CDC14B: variants seen among roughly 807,000 people sequenced by gnomAD.
CDC14B encodes cell division cycle 14B.
In CDC14B, 22 loss-of-function variants were observed where a neutral mutation model predicts 64.2. The observed-to-expected ratio is 0.34, with a 90% CI of 0.24 to 0.49. CDC14B has a LOEUF of 0.49. Ranked by LOEUF, CDC14B falls within the 20% of genes least tolerant of loss-of-function variation. The pLI is 0.99. For missense variants in CDC14B, 498 were observed against 629.9 expected, an observed-to-expected ratio of 0.79 and a Z score of 2.24; for synonymous variants, 191 against 215.8, an observed-to-expected ratio of 0.89 and a Z score of 1.01.
intron 1 of CDC14B, among the ~76,000 whole-genome samples, chr9:96,593,652 C>A (rs1271691330): frequency 1.3e-5 from 2 of 151,844 alleles, no homozygotes; most frequent in Non-Finnish European, 2.9e-5. Flanking sequence ...TAAGGAAGAA[C>A]AAACAAGAAG....
intron 12 of CDC14B, among the ~76,000 whole-genome samples, chr9:96,520,108 G>A (rs1178751977): frequency 6.6e-6 from 1 of 152,144 alleles, no homozygotes; most frequent in African/African-American, 2.4e-5. Context: ...AAGCAGAGAC[G>A]GGGATAAGCA....
intron 12 of CDC14B, among the ~76,000 whole-genome samples, chr9:96,521,572 G>A (rs1836722382): frequency 6.6e-6 from 1 of 152,208 alleles, no homozygotes; most frequent in African/African-American, 2.4e-5. Context: ...AATGACACAT[G>A]CCTTAGGTGT....
At position 96,595,005 on chromosome 9, in the gene CDC14B, C is replaced by T. The variant is rs565861999; in HGVS notation, c.160+24214G>A. On this transcript the variant is annotated intron_variant, in intron 1 of 13. Coordinates refer to ENST00000375241, the MANE Select transcript of CDC14B (RefSeq NM_033331.4). ...GTCTCTACTAAAATACAAAAATTAG[C>T]TGGGTGTGGTGGCACGTGCCTGTAG... 2.0e-5 allele frequency among the ~76,000 whole-genome samples: 3 copies of T among 152,094 alleles called. No individual in the cohort carries two copies. The East Asian group carries it at 5.8e-4, about 30-fold the overall frequency.
Position 96,523,594 on chromosome 9 carries a change from A to G in CDC14B, c.1078T>C (p.Leu360=), listed in dbSNP as rs144280492. The G allele has an allele frequency of 1.2e-6, 2 of 1,614,008 alleles. No homozygotes were observed. Among genetic ancestry groups the G allele is most frequent in the Non-Finnish European group, 1.7e-6 (2 of 1,180,036 alleles). The change falls in exon 10 of 14, where the codon TTG becomes CTG. Residue 360 remains leucine (L), a synonymous_variant. Transcript: ENST00000375241. ...ACGTAGGCTACTACTTACATCACCA[A>G]AAACTGCTGCTGAGGCCCAATCACC... ...GSVIGPQQQF[L]VMKQTNLWLE...
chr9:96,562,784 G>A lies in CDC14B; in HGVS notation c.329C>T (p.Ser110Phe), dbSNP rs1331256963. Reference sequence around the variant, plus strand: ...AATTTTCTTCCTTAACATTGTAATGGACTGCATAAAAATAAATAACTGTTA... The same window carrying A: ...AATTTTCTTCCTTAACATTGTAATGAACTGCATAAAAATAAATAACTGTTA... The part of the protein sequence containing the change: ...YCCKINKKLK[S>F]ITMLRKKIVH... Residue 110 changes from serine to phenylalanine, a missense_variant and splice_region_variant, in exon 4 of 14, where the codon TCC becomes TTC. Ser to Phe is a radical substitution (Grantham distance 155). Coordinates refer to ENST00000375241, the MANE Select transcript of CDC14B (RefSeq NM_033331.4). The A allele has an allele frequency of 6.3e-7, 1 of 1,575,496 alleles. No individual in the cohort carries two copies. Among genetic ancestry groups the A allele is most frequent in the Admixed American group, 1.7e-5 (1 of 57,810 alleles).
chr9:96,525,198 TA>T (rs1325706692), intron 9 of CDC14B, among the ~76,000 whole-genome samples: 3 of 151,990 alleles, frequency 2.0e-5, no homozygotes, highest in Admixed American at 2.0e-4. Flanking sequence ...ACTCCCCCTC[TA>T]AAGAGATTAC....
rs374240017 is a variant in CDC14B at position 96,533,206 on chromosome 9, C to T, written c.946+721G>A. Among the ~76,000 whole-genome samples, 5 of 152,120 alleles carry T rather than the reference C, an allele frequency of 3.3e-5. No homozygotes were observed. In the South Asian group the frequency reaches 6.2e-4, roughly 19 times the overall value. ...CTGGTCTCAAACTCCTGACCTCAGG[C>T]GATCCGCCCGCCATGGCCTCCCAAA... On this transcript the variant is annotated intron_variant, in intron 9 of 13. Transcript: ENST00000375241.
At chr9:96,575,812 C>A (rs1367750901) in intron 1 of CDC14B, among the ~76,000 whole-genome samples, 1 of 152,044 alleles carries the variant, frequency 6.6e-6, no homozygotes, top group Non-Finnish European at 1.5e-5. Flanking sequence ...AAGTGAGATA[C>A]CATCTCTATC....
At chr9:96,523,954 G>A (rs1837175344) in intron 9 of CDC14B, among the ~76,000 whole-genome samples, 1 of 152,208 alleles carries the variant, frequency 6.6e-6, no homozygotes, top group African/African-American at 2.4e-5. Flanking sequence ...TTATTTTTGA[G>A]ACGGAGTCTC....
At chr9:96,535,163 C>T (rs986618011) in intron 7 of CDC14B, among the ~76,000 whole-genome samples, 5 of 152,046 alleles carry the variant, frequency 3.3e-5, no homozygotes, top group African/African-American at 1.2e-4. Flanking sequence ...CAAAATTAGC[C>T]AGGCATGGTG....
chr9:96,494,960 A>G (rs370389959), intron 13 of CDC14B, among the ~76,000 whole-genome samples: 9 of 150,642 alleles, frequency 6.0e-5, no homozygotes, highest in East Asian at 2.0e-4. Flanking sequence ...TCAGCCTCCC[A>G]AGTAGCTGGG....
At chr9:96,493,851 A>C (rs1833148160) in intron 13 of CDC14B, among the ~76,000 whole-genome samples, 3 of 152,184 alleles carry the variant, frequency 2.0e-5, no homozygotes, top group Admixed American at 1.3e-4. Flanking sequence ...ACTGCCTTGT[A>C]ACCACGTTTT....
At chr9:96,569,932 C>T (rs557363011) in intron 1 of CDC14B, among the ~76,000 whole-genome samples, 1 of 152,312 alleles carries the variant, frequency 6.6e-6, no homozygotes, top group South Asian at 2.1e-4. Flanking sequence ...TGACGATTAA[C>T]TTTATAATCC....
Position 96,563,656 on chromosome 9 carries a change from A to G in CDC14B, c.328-871T>C, listed in dbSNP as rs199552255. Among the ~76,000 whole-genome samples the G allele has an allele frequency of 3.8e-3, 520 of 137,430 alleles. 13 individuals carry two copies. The highest frequency in any genetic ancestry group is 0.023 in the Admixed American group (313 of 13,576). 90.2% of individuals were successfully genotyped at this position (137,430 alleles called of 152,430 possible). A position where few individuals can be genotyped will look rare whatever the true frequency, so the allele number is the denominator to read the frequency against. On this transcript the variant is annotated intron_variant, in intron 3 of 13. Coordinates refer to ENST00000375241, the MANE Select transcript of CDC14B (RefSeq NM_033331.4). ...CAAGAGCGAAACTCTGTCTCACGGG[A>G]AAAAAAAAAAAAAAAAAAAGGAAGA... is the stretch of plus-strand genomic sequence containing the variant.
chr9:96,534,350 A>C, intron 8 of CDC14B, 105 bp downstream of exon 8: 1 of 862,102 alleles, frequency 1.2e-6, no homozygotes, highest in South Asian at 1.6e-5. Flanking sequence ...AGTATGCTTA[A>C]ATAATAATTA....
downstream of CDC14B, among the ~76,000 whole-genome samples, chr9:96,496,891 G>A (rs971434552): frequency 5.9e-5 from 9 of 152,266 alleles, no homozygotes; most frequent in Admixed American, 5.9e-4. Context: ...TCCCAGCTGG[G>A]GGCAGCAACA....
chr9:96,543,909 A>C (rs1840431852), intron 5 of CDC14B, among the ~76,000 whole-genome samples: 1 of 152,166 alleles, frequency 6.6e-6, no homozygotes, highest in South Asian at 2.1e-4. Context: ...AAACCTTACT[A>C]CTGTACACTT....
At chr9:96,614,646 C>T (rs573153734) in intron 1 of CDC14B, among the ~76,000 whole-genome samples, 2 of 152,030 alleles carry the variant, frequency 1.3e-5, no homozygotes, top group South Asian at 4.2e-4. Flanking sequence ...ATGGAGGTCC[C>T]TATTTAAGGG....
intron 1 of CDC14B, among the ~76,000 whole-genome samples, chr9:96,573,603 T>G (rs116041575): frequency 6.6e-6 from 1 of 151,896 alleles, no homozygotes; most frequent in Non-Finnish European, 1.5e-5. Flanking sequence ...GGTCTTTTCA[T>G]GAAACCTGAC....
Sources: gnomAD v4.1 joint callset for allele counts (sites outside exome capture counted in the v4.1 genomes callset) on GRCh38, gnomAD v4.1.1 for gene constraint, MANE v1.5 for transcripts, NCBI Gene and HGNC (gene_info 2026-07-23, HGNC 2026-07-21) for gene names.